Variants in SCN10A observed in about 807,000 individuals in gnomAD.
SCN10A encodes the protein sodium voltage-gated channel alpha subunit 10.
SCN10A carries 162 observed loss-of-function variants against 170.7 expected under a neutral mutation model. The ratio of observed to expected loss-of-function variants is 0.95; its 90% CI spans 0.84 to 1.08. The LOEUF is 1.08. SCN10A is among the 50% of genes least tolerant of loss of function. The pLI, the probability that SCN10A is intolerant of heterozygous loss-of-function variation, is 0.00. For missense variants in SCN10A, 2,527 were observed against 2,436.9 expected, an observed-to-expected ratio of 1.04 and a Z score of -0.78; for synonymous variants, 985 against 904.6, an observed-to-expected ratio of 1.09 and a Z score of -1.59.
chr3:38,804,474 G>C (rs2064393883), intron 1 of SCN10A, among the ~76,000 whole-genome samples: 1 of 152,010 alleles, frequency 6.6e-6, no homozygotes, highest in Non-Finnish European at 1.5e-5. Context: ...CATAGATTTT[G>C]TCTATTTGCT....
At chr3:38,769,028 C>T (rs1286358082) in intron 5 of SCN10A, among the ~76,000 whole-genome samples, 1 of 152,036 alleles carries the variant, frequency 6.6e-6, no homozygotes, top group East Asian at 1.9e-4. Flanking sequence ...CTTTCTTCTA[C>T]TTGTTCTAGT....
chr3:38,806,973 C>G (rs912568233), intron 1 of SCN10A, among the ~76,000 whole-genome samples: 1 of 152,084 alleles, frequency 6.6e-6, no homozygotes, highest in Non-Finnish European at 1.5e-5. Context: ...GACAAGAAGC[C>G]GTGTTCCTTT....
At chr3:38,803,349 A>G (rs1056455048) in intron 1 of SCN10A, among the ~76,000 whole-genome samples, 1 of 152,174 alleles carries the variant, frequency 6.6e-6, no homozygotes, top group Non-Finnish European at 1.5e-5. Context: ...ACACATGCAC[A>G]CATATGTTTA....
At chr3:38,708,958 T>C (rs2063240842) in intron 25 of SCN10A, among the ~76,000 whole-genome samples, 1 of 152,208 alleles carries the variant, frequency 6.6e-6, no homozygotes, top group South Asian at 2.1e-4. Flanking sequence ...TTTATACCTT[T>C]ATTGCCCTGA....
At chr3:38,715,233 C>A (rs1245703817) in intron 21 of SCN10A, among the ~76,000 whole-genome samples, 2 of 152,262 alleles carry the variant, frequency 1.3e-5, no homozygotes, top group East Asian at 3.9e-4. Flanking sequence ...GTCTGCCTCA[C>A]ATGGATAATC....
At chr3:38,771,019 GT>G (rs1044317109) in intron 5 of SCN10A, among the ~76,000 whole-genome samples, 5 of 152,294 alleles carry the variant, frequency 3.3e-5, no homozygotes, top group African/African-American at 1.2e-4. Context: ...TTGGAGGCAG[GT>G]TTCCCCCCCT....
At chr3:38,745,776 T>G (rs1044971630) in intron 13 of SCN10A, among the ~76,000 whole-genome samples, 10 of 152,098 alleles carry the variant, frequency 6.6e-5, no homozygotes, top group African/African-American at 2.4e-4. Flanking sequence ...ATTGCCTCTG[T>G]TGGCCTTTCT....
At chr3:38,775,521 T>C (rs1291942965) in intron 4 of SCN10A, among the ~76,000 whole-genome samples, 1 of 152,196 alleles carries the variant, frequency 6.6e-6, no homozygotes, top group Admixed American at 6.5e-5. Context: ...CTACAAACAT[T>C]AGTGCATAAG....
intron 15 of SCN10A, among the ~76,000 whole-genome samples, chr3:38,731,905 G>A (rs1167980674): frequency 3.3e-5 from 5 of 152,168 alleles, no homozygotes; most frequent in Admixed American, 3.3e-4. Flanking sequence ...AGACAGATCT[G>A]AGCTTGACCT....
chr3:38,698,387 C>T lies in SCN10A; in HGVS notation c.4833G>A (p.Gly1611=). Residue 1611 remains glycine, a synonymous_variant, in exon 28 of 28, where the codon GGG becomes GGA. Transcript: ENST00000449082. ...MMSLPALFNI[G]LLLFLVMFIY... is the part of the protein sequence containing the mutation. ...TGAACATGACAAGGAATAGCAACAG[C>T]CCGATGTTGAAGAGGGCAGGCAGGG... The T allele has an allele frequency of 6.2e-7, 1 of 1,614,148 alleles. No individual in the cohort carries two copies. The highest frequency in any genetic ancestry group is 8.5e-7 in the Non-Finnish European group (1 of 1,180,040).
chr3:38,813,868 G>T (rs565143989), intron 1 of SCN10A, among the ~76,000 whole-genome samples: 1 of 152,350 alleles, frequency 6.6e-6, no homozygotes, highest in South Asian at 2.1e-4. Context: ...TGAGAAGGGT[G>T]AGAGAAAGTG....
intron 19 of SCN10A, 41 bp downstream of exon 19, chr3:38,723,389 A>G (rs1575956175): frequency 1.9e-6 from 3 of 1,612,482 alleles, no homozygotes; most frequent in African/African-American, 2.7e-5. Context: ...TTCTGGCCCT[A>G]ATTAACATCA....
At chr3:38,713,346 A>T (rs2063296465) in intron 22 of SCN10A, among the ~76,000 whole-genome samples, 1 of 152,154 alleles carries the variant, frequency 6.6e-6, no homozygotes, top group South Asian at 2.1e-4. Context: ...TTGTCATGGA[A>T]AGACAGAGAA....
intron 20 of SCN10A, among the ~76,000 whole-genome samples, chr3:38,721,117 C>T (rs765682141): frequency 6.6e-6 from 1 of 152,338 alleles, no homozygotes; most frequent in Non-Finnish European, 1.5e-5. Context: ...CCTGCCTCGT[C>T]CCGCACCTGT....
At chr3:38,799,696 T>C (rs1298802698) in intron 1 of SCN10A, among the ~76,000 whole-genome samples, 1 of 152,022 alleles carries the variant, frequency 6.6e-6, no homozygotes, top group African/African-American at 2.4e-5. Flanking sequence ...ATTTCCCTAA[T>C]TGGTTACTTT....
intron 12 of SCN10A, among the ~76,000 whole-genome samples, chr3:38,751,161 C>T (rs540986538): frequency 6.6e-6 from 1 of 152,198 alleles, no homozygotes; most frequent in African/African-American, 2.4e-5. Flanking sequence ...TGTGCTATGG[C>T]TGAGTAGCAG....
chr3:38,707,136 A>AACCCTCATC, intron 26 of SCN10A, 143 bp downstream of exon 26: 9 of 749,814 alleles, frequency 1.2e-5, no homozygotes, highest in Non-Finnish European at 1.9e-5. Context: ...TGGGCCTAGG[A>AACCCTCATC]ACCCTCATCA....
chr3:38,713,747 A>C (rs2063300358), intron 22 of SCN10A, among the ~76,000 whole-genome samples: 1 of 152,048 alleles, frequency 6.6e-6, no homozygotes, highest in Non-Finnish European at 1.5e-5. Context: ...GCTGGAGTAT[A>C]ATGGCACAAT....
At chr3:38,773,057 C>T (rs11708587) in intron 4 of SCN10A, among the ~76,000 whole-genome samples, 12,627 of 152,138 alleles carry the variant, frequency 0.083, 690 homozygotes, top group Admixed American at 0.17. Flanking sequence ...TGAGCAAGGC[C>T]TTCAAAATTA....
Sources: allele counts gnomAD v4.1 joint callset (sites outside exome capture counted in the v4.1 genomes callset), GRCh38; gene constraint gnomAD v4.1.1; transcripts MANE v1.5; gene names NCBI Gene and HGNC (gene_info 2026-07-23, HGNC 2026-07-21).